HEMK2: variants seen among roughly 807,000 people sequenced by gnomAD.
HEMK2 encodes the protein HemK methyltransferase 2, ETF1 glutamine and histone H4 lysine, also known as methyltransferase HEMK2.
chr21:28,577,077 T>C, the HEMK2 span: 1 of 152,240 alleles, frequency 6.6e-6, no homozygotes, highest in East Asian at 1.9e-4. Flanking sequence ...GATGTTGAGA[T>C]TTAATGTCCA....
At chr21:28,728,750 T>C in the HEMK2 span, among the ~76,000 whole-genome samples, 1 of 152,252 alleles carries the variant, frequency 6.6e-6, no homozygotes, top group Non-Finnish European at 1.5e-5. Flanking sequence ...TTGTATTTTA[T>C]AAAATCCAAA....
chr21:28,863,465 T>TACATAC, the HEMK2 span, among the ~76,000 whole-genome samples: 6 of 85,592 alleles, frequency 7.0e-5, no homozygotes, highest in African/African-American at 3.2e-4. Flanking sequence ...TATATATATA[T>TACATAC]ATATACTTCA....
chr21:28,703,164 A>C, the HEMK2 span, among the ~76,000 whole-genome samples: 84,554 of 151,960 alleles, frequency 0.56, 26,186 homozygotes, highest in East Asian at 0.84. Context: ...TACCTGAGGG[A>C]AAGAGACTAG....
chr21:28,616,961 C>T, the HEMK2 span, among the ~76,000 whole-genome samples: 2 of 152,220 alleles, frequency 1.3e-5, no homozygotes, highest in East Asian at 1.9e-4. Context: ...CACAGTGATA[C>T]AAAGTATATA....
chr21:28,606,426 G>A, the HEMK2 span, among the ~76,000 whole-genome samples: 1 of 152,132 alleles, frequency 6.6e-6, no homozygotes, highest in South Asian at 2.1e-4. Flanking sequence ...CCCTGCAACA[G>A]GCATCTCCTG....
chr21:28,824,010 T>A, the HEMK2 span, among the ~76,000 whole-genome samples: 3 of 152,136 alleles, frequency 2.0e-5, no homozygotes, highest in African/African-American at 4.8e-5. Flanking sequence ...TAAATTTGCA[T>A]TTTTTTATAA....
the HEMK2 span, among the ~76,000 whole-genome samples, chr21:28,809,626 T>C: frequency 2.6e-5 from 4 of 152,206 alleles, no homozygotes; most frequent in Non-Finnish European, 5.9e-5. Flanking sequence ...CCATGTCTAA[T>C]CCTATAAGAA....
the HEMK2 span, among the ~76,000 whole-genome samples, chr21:28,604,530 T>C: frequency 6.6e-6 from 1 of 152,216 alleles, no homozygotes; most frequent in Non-Finnish European, 1.5e-5. Context: ...TGATTTTTCA[T>C]TCAGCAAATG....
the HEMK2 span, among the ~76,000 whole-genome samples, chr21:28,735,467 T>C: frequency 6.6e-6 from 1 of 152,166 alleles, no homozygotes. Flanking sequence ...TGACCCACAT[T>C]CCTTATCACA....
the HEMK2 span, among the ~76,000 whole-genome samples, chr21:28,661,820 C>A: frequency 1.3e-5 from 2 of 152,084 alleles, no homozygotes; most frequent in South Asian, 4.1e-4. Context: ...AACTGAGAAA[C>A]AGTTTTTATA....
the HEMK2 span, among the ~76,000 whole-genome samples, chr21:28,677,899 G>A: frequency 1.4e-5 from 2 of 145,062 alleles, no homozygotes; most frequent in African/African-American, 2.5e-5. Context: ...CCATCTGTAC[G>A]TCACCATCAT....
At chr21:28,579,874 T>C in the HEMK2 span, among the ~76,000 whole-genome samples, 5 of 152,204 alleles carry the variant, frequency 3.3e-5, no homozygotes, top group Admixed American at 2.6e-4. Flanking sequence ...GAACTTTCTG[T>C]GAAAAAGCTT....
chr21:28,829,401 G>A, the HEMK2 span, among the ~76,000 whole-genome samples: 6 of 152,156 alleles, frequency 3.9e-5, no homozygotes, highest in Admixed American at 2.0e-4. Flanking sequence ...ATGAATAGAT[G>A]AATGTGTGGA....
At chr21:28,636,419 AAC>A in the HEMK2 span, among the ~76,000 whole-genome samples, 2 of 152,154 alleles carry the variant, frequency 1.3e-5, no homozygotes, top group Non-Finnish European at 2.9e-5. Context: ...GATGGACAAA[AAC>A]AGACATCTTA....
chr21:28,703,457 A>G, the HEMK2 span, among the ~76,000 whole-genome samples: 1 of 152,170 alleles, frequency 6.6e-6, no homozygotes, highest in Non-Finnish European at 1.5e-5. Flanking sequence ...CTCATTAAGC[A>G]CCAGATGTCA....
At chr21:28,639,246 G>C in the HEMK2 span, among the ~76,000 whole-genome samples, 2 of 152,180 alleles carry the variant, frequency 1.3e-5, no homozygotes, top group Non-Finnish European at 2.9e-5. Context: ...CCAAAAGAAA[G>C]ATAGAAACTA....
At chr21:28,636,567 C>G in the HEMK2 span, among the ~76,000 whole-genome samples, 4 of 152,144 alleles carry the variant, frequency 2.6e-5, no homozygotes. Context: ...TCCCTCATGT[C>G]CAACCTCTGC....
At chr21:28,590,728 A>C in the HEMK2 span, among the ~76,000 whole-genome samples, 1 of 152,248 alleles carries the variant, frequency 6.6e-6, no homozygotes, top group Non-Finnish European at 1.5e-5. Flanking sequence ...AAAATCTGGC[A>C]CCAGAACAAG....
chr21:28,669,887 C>T, the HEMK2 span, among the ~76,000 whole-genome samples: 1 of 152,180 alleles, frequency 6.6e-6, no homozygotes, highest in South Asian at 2.1e-4. Context: ...ACTCATGCTC[C>T]CTACATTGAA....
Sources: gnomAD v4.1 joint callset for allele counts (sites outside exome capture counted in the v4.1 genomes callset) on GRCh38, gnomAD v4.1.1 for gene constraint, MANE v1.5 for transcripts, NCBI Gene and HGNC (gene_info 2026-07-23, HGNC 2026-07-21) for gene names.